The following DMD variants were observed in gnomAD, a reference collection of about 807,000 sequenced individuals.
DMD encodes mutant dystrophin.
A neutral mutation model predicts 330.1 loss-of-function variants in DMD; 63 were observed. The observed-to-expected ratio is 0.19, with a 90% CI of 0.16 to 0.24. DMD has a LOEUF of 0.24. DMD is among the 10% of genes least tolerant of loss of function. The pLI, the probability that DMD is intolerant of heterozygous loss-of-function variation, is 1.00. For missense variants in DMD, 3,344 were observed against 2,684.1 expected (o/e 1.25, Z -5.43); for synonymous variants, 1,223 against 959.8 (o/e 1.27, Z -5.07).
Position 31,120,904 on chromosome X carries a change from T to G in DMD, c.*1015A>C, listed in dbSNP as rs186667089. The G allele has an allele frequency of 1.8e-5, 2 of 111,840 alleles. No homozygotes were observed. Among genetic ancestry groups the G allele is most frequent in the Non-Finnish European group, 3.8e-5 (2 of 53,108 alleles). 9.2% of individuals were successfully genotyped at this position (111,840 alleles called of 1,213,427 possible). Reference sequence around the variant, plus strand: ...ATCAATCAACCAACCAACCGATTACTCACTCTGATATAATAAGTCCTGTGT... The same window carrying G: ...ATCAATCAACCAACCAACCGATTACGCACTCTGATATAATAAGTCCTGTGT... On this transcript the variant is annotated 3_prime_UTR_variant, in exon 79 of 79. Transcript: ENST00000357033.
At chrX:31,206,438 A>G (rs927543001) in intron 66 of DMD, 144 bp downstream of exon 66, 5 of 548,610 alleles carry the variant, frequency 9.1e-6, no homozygotes, top group Non-Finnish European at 1.5e-5. Context: ...GGCACAAACC[A>G]AATTTTATGA....
At chrX:32,079,551 C>A (rs2096376598) in intron 44 of DMD, among the ~76,000 whole-genome samples, 1 of 108,766 alleles carries the variant, frequency 9.2e-6, no homozygotes, top group Admixed American at 9.9e-5. Context: ...GCTGAGATTG[C>A]ACCACTGCGC....
chrX:32,991,724 G>A (rs2092984019), intron 2 of DMD, among the ~76,000 whole-genome samples: 1 of 111,482 alleles, frequency 9.0e-6, no homozygotes, highest in Non-Finnish European at 1.9e-5. Context: ...CTATCTAAAA[G>A]CCAACATACA....
intron 67 of DMD, among the ~76,000 whole-genome samples, chrX:31,183,290 G>A (rs991530439): frequency 8.3e-5 from 9 of 108,817 alleles, no homozygotes; most frequent in Admixed American, 2.0e-4. Context: ...AATTTCAAAG[G>A]AGGGGGACAA....
chrX:33,298,322 A>G (rs2053613626), intron 1 of DMD, among the ~76,000 whole-genome samples: 3 of 111,830 alleles, frequency 2.7e-5, no homozygotes, highest in African/African-American at 9.7e-5. Context: ...AAATTTAATT[A>G]ATCTTCAGTG....
intron 7 of DMD, among the ~76,000 whole-genome samples, chrX:32,777,390 T>C (rs1255724087): frequency 1.9e-5 from 2 of 107,522 alleles, no homozygotes; most frequent in East Asian, 3.0e-4. Flanking sequence ...TGTAAAAACA[T>C]ATTTTAAGCA....
chrX:31,375,129 A>G (rs1025982475), intron 60 of DMD, among the ~76,000 whole-genome samples: 1 of 112,066 alleles, frequency 8.9e-6, no homozygotes, highest in Non-Finnish European at 1.9e-5. Context: ...TTTATATCCT[A>G]CTGCTCAAGG....
At chrX:32,883,196 G>A (rs1354802580) in intron 2 of DMD, among the ~76,000 whole-genome samples, 1 of 111,974 alleles carries the variant, frequency 8.9e-6, no homozygotes, top group Admixed American at 9.5e-5. Flanking sequence ...ATCAGAAAGG[G>A]TAATTCTGCT....
At chrX:32,398,263 A>ACC (rs149357713) in intron 30 of DMD, among the ~76,000 whole-genome samples, 18 of 92,236 alleles carry the variant, frequency 2.0e-4, no homozygotes, top group East Asian at 1.3e-3. Context: ...CTTTTTTTAA[A>ACC]CCCCCCCCCC....
chrX:32,685,203 ATCACC>A (rs1421216513), intron 9 of DMD, among the ~76,000 whole-genome samples: 2 of 111,458 alleles, frequency 1.8e-5, no homozygotes, highest in Admixed American at 9.6e-5. Flanking sequence ...AATGACTTTA[ATCACC>A]TAGCTCACCT....
intron 52 of DMD, among the ~76,000 whole-genome samples, chrX:31,724,182 C>G (rs1014904664): frequency 1.8e-5 from 2 of 112,173 alleles, no homozygotes; most frequent in African/African-American, 3.2e-5. Context: ...ATGGTTGACT[C>G]CACTTCTTCT....
intron 2 of DMD, among the ~76,000 whole-genome samples, chrX:32,967,773 A>C (rs1157640256): frequency 8.9e-6 from 1 of 111,789 alleles, no homozygotes; most frequent in African/African-American, 3.3e-5. Flanking sequence ...TTTAGAAACA[A>C]GATTGAAAAT....
At chrX:33,214,625 C>T (rs1307934834), upstream of DMD, among the ~76,000 whole-genome samples, 16 of 111,319 alleles carry the variant, frequency 1.4e-4, no homozygotes, top group Admixed American at 1.1e-3. Context: ...TTTCCAAAAC[C>T]CGTTCTTTTC....
At position 31,506,576 on chromosome X, in the gene DMD, T is replaced by C. The variant is rs188251025; in HGVS notation, c.8390+705A>G. On this transcript the variant is annotated intron_variant, in intron 56 of 78. Transcript: ENST00000357033. ...ATCCTTTTGTTCCTCCACGGAACTA[T>C]TGCAAAACTGGTATAACAAGAACTT... Among the ~76,000 whole-genome samples, 29 of 112,599 alleles carry C rather than the reference T, an allele frequency of 2.6e-4. No homozygotes were observed. The East Asian group carries it at 4.5e-3, about 17-fold the overall frequency.
chrX:32,948,414 A>G (rs1396471716), intron 2 of DMD, among the ~76,000 whole-genome samples: 1 of 111,915 alleles, frequency 8.9e-6, no homozygotes, highest in Non-Finnish European at 1.9e-5. Flanking sequence ...TGCTCTGGTA[A>G]GTGGAGCTTT....
chrX:31,577,032 A>G (rs1250538113), intron 55 of DMD, among the ~76,000 whole-genome samples: 2 of 112,291 alleles, frequency 1.8e-5, no homozygotes, highest in Non-Finnish European at 3.8e-5. Context: ...TATTATATAT[A>G]GTGCTTCATA....
chrX:32,637,747 T>C (rs2059196213), intron 11 of DMD, among the ~76,000 whole-genome samples: 2 of 111,310 alleles, frequency 1.8e-5, no homozygotes, highest in Admixed American at 9.6e-5. Context: ...AGGCCCCTTA[T>C]AAAACCATCA....
intron 2 of DMD, among the ~76,000 whole-genome samples, chrX:32,941,380 G>A (rs891578437): frequency 2.7e-5 from 3 of 111,912 alleles, no homozygotes; most frequent in Admixed American, 1.9e-4. Flanking sequence ...ATTCACAATA[G>A]CAAAGACATG....
intron 2 of DMD, among the ~76,000 whole-genome samples, chrX:32,877,447 T>A (rs1337868274): frequency 8.9e-6 from 1 of 112,760 alleles, no homozygotes; most frequent in South Asian, 3.6e-4. Flanking sequence ...ATTTTTTCTT[T>A]TAACTCTAGC....
Sources: gnomAD v4.1 joint callset for allele counts (sites outside exome capture counted in the v4.1 genomes callset) on GRCh38, gnomAD v4.1.1 for gene constraint, MANE v1.5 for transcripts, NCBI Gene and HGNC (gene_info 2026-07-23, HGNC 2026-07-21) for gene names.